The following MAST4 variants were observed in gnomAD, a reference collection of about 807,000 sequenced individuals.
MAST4 encodes the protein microtubule associated serine/threonine kinase family member 4.
MAST4 carries 89 observed loss-of-function variants against 162.7 expected under a neutral mutation model. That is an observed-to-expected ratio of 0.55 (90% CI 0.46 to 0.65). MAST4 has a LOEUF of 0.65. Ranked by LOEUF, MAST4 falls within the 30% of genes least tolerant of loss-of-function variation. The pLI is 0.00. For synonymous variants in MAST4, 1,479 were observed against 1,361.1 expected (o/e 1.09, Z -1.91); for missense variants, 3,153 against 3,374.0 (o/e 0.93, Z 1.62).
intron 4 of MAST4, among the ~76,000 whole-genome samples, chr5:66,924,947 A>C (rs974498311): frequency 6.6e-6 from 1 of 152,192 alleles, no homozygotes; most frequent in African/African-American, 2.4e-5. Flanking sequence ...TTTACTGTGA[A>C]AATTCTTAGA....
chr5:66,622,246 G>A lies in MAST4; in HGVS notation c.363+25228G>A, dbSNP rs78680449. On this transcript the variant is annotated intron_variant, in intron 1 of 28. Coordinates refer to ENST00000403625, the MANE Select transcript of MAST4 (RefSeq NM_001164664.2). Reference sequence around the variant, plus strand: ...TGGCCATGTGTCTATCTGGAGAGAAGGGGAAACAGCAAGTGCAAAGGCCCT... The same window carrying A: ...TGGCCATGTGTCTATCTGGAGAGAAAGGGAAACAGCAAGTGCAAAGGCCCT... Among the ~76,000 whole-genome samples, 1,182 of 152,230 alleles carry A rather than the reference G, an allele frequency of 7.8e-3. 7 individuals are homozygous for A. Among genetic ancestry groups the A allele is most frequent in the Non-Finnish European group, 0.013 (866 of 68,014 alleles).
At chr5:67,057,890 C>A (rs1412934400) in intron 5 of MAST4, among the ~76,000 whole-genome samples, 1 of 147,562 alleles carries the variant, frequency 6.8e-6, no homozygotes. Flanking sequence ...AATAGCATGA[C>A]ATAAGGAAAA....
intron 4 of MAST4, among the ~76,000 whole-genome samples, chr5:66,975,400 T>C (rs1748011140): frequency 6.6e-6 from 1 of 152,134 alleles, no homozygotes; most frequent in African/African-American, 2.4e-5. Context: ...ACTTTCACGT[T>C]CATGTTACAG....
rs1376142250 is a variant in MAST4, at chr5:67,049,045, G to GTATATATATA, written c.675-5354_675-5345dup. On this transcript the variant is annotated intron_variant, in intron 4 of 28. Transcript: ENST00000403625. ...TACGTATATATATATATATATACGTGTATATATATATATACGTATATATAT... is the reference window on the plus strand; with the variant it reads ...TACGTATATATATATATATATACGTGTATATATATATATATATATATATACGTATATATAT... Among the ~76,000 whole-genome samples the GTATATATATA allele has an allele frequency of 1.7e-4, 17 of 100,562 alleles. 1 individual carries two copies. Among genetic ancestry groups the GTATATATATA allele is most frequent in the African/African-American group, 8.5e-4 (17 of 20,104 alleles). 66.0% of individuals were successfully genotyped at this position (100,562 alleles called of 152,430 possible). A position where few individuals can be genotyped will look rare whatever the true frequency, so the allele number is the denominator to read the frequency against.
At chr5:67,127,594 G>A (rs1040636234) in intron 14 of MAST4, among the ~76,000 whole-genome samples, 13 of 151,846 alleles carry the variant, frequency 8.6e-5, no homozygotes, top group African/African-American at 9.7e-5. Context: ...TGACTTGATC[G>A]CGGTGGATAA....
chr5:67,149,608 C>G lies in MAST4; in HGVS notation c.3295+19C>G. On this transcript the variant is annotated intron_variant, in intron 24 of 28. Coordinates refer to ENST00000403625, the MANE Select transcript of MAST4 (RefSeq NM_001164664.2). ...CCAGGAGGTAGAGAGATACTACTTG[C>G]ATGAAATTGTGTGATTTGTGCATGT... 3 of 1,609,496 alleles carry G rather than the reference C, an allele frequency of 1.9e-6. No homozygotes were observed. The highest frequency in any genetic ancestry group is 1.7e-6 in the Non-Finnish European group (2 of 1,176,944).
chr5:67,152,602 C>T (rs368981877), intron 24 of MAST4, 35 bp from the exon 25 acceptor site: 545 of 1,582,758 alleles, frequency 3.4e-4, no homozygotes, highest in Non-Finnish European at 4.4e-4. Context: ...TTGTGTGAGC[C>T]ACATGGGCTT....
rs6149054 is a variant in MAST4, at chr5:67,069,287, GATAT to G, written c.763+14817_763+14820del. Among the ~76,000 whole-genome samples, 31 of 107,632 alleles carry G rather than the reference GATAT, an allele frequency of 2.9e-4. 2 individuals carry two copies. The highest frequency in any genetic ancestry group is 9.5e-4 in the South Asian group (3 of 3,146). The allele number at this position is 107,632 out of a possible 152,430, so 70.6% of individuals were successfully genotyped here. A position where few individuals can be genotyped will look rare whatever the true frequency, so the allele number is the denominator to read the frequency against. ...CCTTTTCTGTTAAAGGAGGAGATTG[GATAT>G]ATATATATATATATATATATAAAAT... On this transcript the variant is annotated intron_variant, in intron 5 of 28. Transcript: ENST00000403625.
chr5:66,988,915 T>C (rs1263420580), intron 4 of MAST4, among the ~76,000 whole-genome samples: 1 of 152,240 alleles, frequency 6.6e-6, no homozygotes, highest in Non-Finnish European at 1.5e-5. Flanking sequence ...CTTACAGCTT[T>C]ATTCAGGGAA....
At chr5:66,962,319 C>T (rs1746116932) in intron 4 of MAST4, among the ~76,000 whole-genome samples, 1 of 152,114 alleles carries the variant, frequency 6.6e-6, no homozygotes, top group Admixed American at 6.5e-5. Context: ...TGGTGCATGC[C>T]CATAGTTCTT....
chr5:66,822,725 T>A (rs1350489299), intron 3 of MAST4, among the ~76,000 whole-genome samples: 3 of 152,206 alleles, frequency 2.0e-5, no homozygotes, highest in African/African-American at 4.8e-5. Context: ...TTCTTTCTGG[T>A]GTTCTGACCA....
chr5:66,715,582 A>C (rs1466739957), intron 1 of MAST4, among the ~76,000 whole-genome samples: 1 of 151,550 alleles, frequency 6.6e-6, no homozygotes, highest in East Asian at 1.9e-4. Flanking sequence ...ATGACGAGTT[A>C]ATGGGTGCAG....
At chr5:67,036,832 A>G (rs899725246) in intron 4 of MAST4, among the ~76,000 whole-genome samples, 1 of 152,164 alleles carries the variant, frequency 6.6e-6, no homozygotes, top group Non-Finnish European at 1.5e-5. Context: ...TTTGGATGCT[A>G]TATATTTTCT....
intron 1 of MAST4, among the ~76,000 whole-genome samples, chr5:66,745,403 G>T (rs149226196): frequency 3.9e-5 from 6 of 152,250 alleles, no homozygotes; most frequent in Admixed American, 1.3e-4. Flanking sequence ...TTACCTCTTA[G>T]AACGTGGTGG....
rs150352837 is a variant in MAST4, at chr5:67,044,575, A to C, written c.675-9829A>C. On this transcript the variant is annotated intron_variant, in intron 4 of 28. Transcript: ENST00000403625. The stretch of plus-strand genomic sequence containing the variant: ...TATAGTCCAGGCTGGAATGCAGTGG[A>C]GTGATCATGGCTCACTGTAATCTCA... Among the ~76,000 whole-genome samples the C allele has an allele frequency of 8.1e-3, 1,233 of 152,196 alleles. 13 individuals carry two copies. Among genetic ancestry groups the C allele is most frequent in the African/African-American group, 0.028 (1,144 of 41,532 alleles).
At chr5:66,959,261 G>C in intron 4 of MAST4, 1 of 779,710 alleles carries the variant, frequency 1.3e-6, no homozygotes, top group South Asian at 1.3e-5. Context: ...AAAGCCCAGC[G>C]GGAAAGGCTA....
At chr5:66,929,777 CA>C (rs1182041669) in intron 4 of MAST4, among the ~76,000 whole-genome samples, 2 of 152,140 alleles carry the variant, frequency 1.3e-5, no homozygotes, top group African/African-American at 4.8e-5. Context: ...GCCAGAGCTC[CA>C]GCAGCTGTAT....
intron 22 of MAST4, 74 bp from the exon 23 acceptor site, chr5:67,145,070 G>C: frequency 7.6e-7 from 1 of 1,308,794 alleles, no homozygotes; most frequent in Non-Finnish European, 1.1e-6. Flanking sequence ...ATTTTCACCT[G>C]GTTTCTTCCA....
chr5:67,057,599 A>T (rs1380883276), intron 5 of MAST4, among the ~76,000 whole-genome samples: 1 of 121,280 alleles, frequency 8.2e-6, no homozygotes, highest in Non-Finnish European at 1.9e-5. Context: ...ATTAAAAAAA[A>T]AAAAAAGAAG....
Sources: allele counts gnomAD v4.1 joint callset (sites outside exome capture counted in the v4.1 genomes callset), GRCh38; gene constraint gnomAD v4.1.1; transcripts MANE v1.5; gene names NCBI Gene and HGNC (gene_info 2026-07-23, HGNC 2026-07-21).